Variants in SPEF2 observed in about 807,000 individuals in gnomAD.
SPEF2 encodes sperm flagella and cilia-associated protein 2.
SPEF2 carries 187 observed loss-of-function variants against 224.6 expected under a neutral mutation model. The ratio of observed to expected loss-of-function variants is 0.83; its 90% CI spans 0.74 to 0.94. The LOEUF is 0.94. Among genes scored for constraint, SPEF2 ranks in the 40% least tolerant of loss-of-function variants. SPEF2 has a pLI of 0.00. For missense variants in SPEF2, 2,170 were observed against 2,135.6 expected, an observed-to-expected ratio of 1.02 and a Z score of -0.32; for synonymous variants, 715 against 707.3, an observed-to-expected ratio of 1.01 and a Z score of -0.17.
intron 21 of SPEF2, among the ~76,000 whole-genome samples, chr5:35,738,249 T>G (rs1413947462): frequency 6.6e-6 from 1 of 152,148 alleles, no homozygotes; most frequent in Non-Finnish European, 1.5e-5. Context: ...TGGCTTTTGT[T>G]GCCATTGCTT....
chr5:35,674,337 CTT>C (rs35129181), intron 10 of SPEF2, among the ~76,000 whole-genome samples: 65 of 94,442 alleles, frequency 6.9e-4, no homozygotes, highest in South Asian at 1.6e-3. Flanking sequence ...TTTTCGTCTT[CTT>C]TTTTTTTTTT....
At chr5:35,706,638 C>G (rs1739829041) in intron 18 of SPEF2, among the ~76,000 whole-genome samples, 2 of 152,142 alleles carry the variant, frequency 1.3e-5, no homozygotes, top group South Asian at 4.2e-4. Flanking sequence ...TCTAAAGTTG[C>G]CTTGATAGCA....
At chr5:35,734,755 A>C (rs1746278299) in intron 21 of SPEF2, among the ~76,000 whole-genome samples, 1 of 126,860 alleles carries the variant, frequency 7.9e-6, no homozygotes, top group African/African-American at 3.0e-5. Context: ...CTCTGTCACC[A>C]GGCTGGAGTA....
chr5:35,807,671 G>T, intron 36 of SPEF2: 1 of 1,536,108 alleles, frequency 6.5e-7, no homozygotes, highest in Non-Finnish European at 8.7e-7. Context: ...AAATGATAGT[G>T]TGTGCAAAAG....
chr5:35,684,874 A>G (rs1469995542), intron 10 of SPEF2, among the ~76,000 whole-genome samples: 4 of 152,116 alleles, frequency 2.6e-5, no homozygotes, highest in African/African-American at 9.7e-5. Context: ...TGGAATTATC[A>G]CCTTTTTTAT....
At position 35,733,789 on chromosome 5, in the gene SPEF2, A is replaced by T. The variant is rs6895954; in HGVS notation, c.3063+5966A>T. Among the ~76,000 whole-genome samples the T allele has an allele frequency of 4.0e-3, 275 of 67,992 alleles. 1 individual carries two copies. Among genetic ancestry groups the T allele is most frequent in the African/African-American group, 0.02 (266 of 13,212 alleles). 44.6% of individuals were successfully genotyped at this position (67,992 alleles called of 152,430 possible). On this transcript the variant is annotated intron_variant, in intron 21 of 36. Transcript: ENST00000356031. Reference sequence around the variant, plus strand: ...AGAGAGACAGTACAGTGAATTGTTTAAAAAAAAAAAAAGTGGATTGTGACT... The same window carrying T: ...AGAGAGACAGTACAGTGAATTGTTTTAAAAAAAAAAAAGTGGATTGTGACT...
intron 20 of SPEF2, among the ~76,000 whole-genome samples, chr5:35,715,816 C>CTTTT (rs1554040257): frequency 1.7e-5 from 2 of 117,932 alleles, no homozygotes; most frequent in African/African-American, 6.4e-5. Flanking sequence ...GATATAATTT[C>CTTTT]TTTTTTTTTT....
At chr5:35,648,058 A>G (rs777354422) in intron 5 of SPEF2, among the ~76,000 whole-genome samples, 46 of 152,180 alleles carry the variant, frequency 3.0e-4, no homozygotes, top group African/African-American at 6.0e-4. Context: ...CAAGCTGTGG[A>G]TTGGGCACTT....
At chr5:35,633,657 A>C (rs543700062) in intron 2 of SPEF2, among the ~76,000 whole-genome samples, 1 of 152,030 alleles carries the variant, frequency 6.6e-6, no homozygotes, top group South Asian at 2.1e-4. Context: ...TGTGTGATTT[A>C]GGTATTTGTT....
chr5:35,646,731 T>C lies in SPEF2; in HGVS notation c.650T>C (p.Ile217Thr), dbSNP rs866696287. Residue 217 changes from isoleucine to threonine, a missense_variant, in exon 5 of 37, where the codon ATT becomes ACT. Physicochemically the swap from Ile to Thr is moderately conservative, Grantham distance 89. Coordinates refer to ENST00000356031, the MANE Select transcript of SPEF2 (RefSeq NM_024867.4). ...MAKIQAAIIQ[I>T]PKPASNRTLK... Reference sequence around the variant, plus strand: ...AAAATCCAAGCAGCTATTATACAGATTCCTAAACCTGCATCAAATCGTACT... The same window carrying C: ...AAAATCCAAGCAGCTATTATACAGACTCCTAAACCTGCATCAAATCGTACT... 1.8e-5 allele frequency: 29 copies of C among 1,613,936 alleles called. No individual in the cohort carries two copies. The African/African-American group carries it at 2.8e-4, about 16-fold the overall frequency.
At chr5:35,739,870 A>G (rs749165966) in intron 21 of SPEF2, 49 bp from the exon 22 acceptor site, 1 of 1,602,966 alleles carries the variant, frequency 6.2e-7, no homozygotes, top group African/African-American at 1.3e-5. Flanking sequence ...TATTATTCAG[A>G]AGAACTTTCA....
intron 20 of SPEF2, among the ~76,000 whole-genome samples, chr5:35,720,646 T>C (rs371706739): frequency 2.2e-4 from 33 of 152,336 alleles, no homozygotes; most frequent in African/African-American, 7.5e-4. Context: ...CATAACAACC[T>C]TAATTATGAT....
intron 20 of SPEF2, among the ~76,000 whole-genome samples, chr5:35,715,317 C>G (rs960678888): frequency 4.0e-5 from 6 of 151,898 alleles, no homozygotes; most frequent in Non-Finnish European, 8.8e-5. Flanking sequence ...AATGACTTTC[C>G]TTATTTTTCT....
chr5:35,676,448 G>T (rs1248311718), intron 10 of SPEF2, among the ~76,000 whole-genome samples: 1 of 152,168 alleles, frequency 6.6e-6, no homozygotes, highest in Non-Finnish European at 1.5e-5. Context: ...AAAACTATAG[G>T]CTGTTTGCGG....
intron 36 of SPEF2, among the ~76,000 whole-genome samples, chr5:35,808,564 A>G (rs138132714): frequency 2.6e-5 from 4 of 151,962 alleles, no homozygotes; most frequent in Non-Finnish European, 5.9e-5. Context: ...CCATGTCCCT[A>G]TGAAGGACAT....
intron 26 of SPEF2, among the ~76,000 whole-genome samples, chr5:35,767,350 C>A (rs1327528740): frequency 6.6e-6 from 1 of 151,744 alleles, no homozygotes; most frequent in Non-Finnish European, 1.5e-5. Flanking sequence ...CATATCTTTT[C>A]ATCCTTTCAT....
In SPEF2 at chr5:35,708,995, T is replaced by C. The variant is rs781719061; in HGVS notation, c.2713T>C (p.Ser905Pro). 1.2e-6 allele frequency: 2 copies of C among 1,613,408 alleles called. No homozygotes were observed. The highest frequency in any genetic ancestry group is 2.2e-5 in the South Asian group (2 of 90,820). Reference sequence around the variant, plus strand: ...GGAAGCTGAGAAAAAAGCAGCAGCTTCCCTGGCTGAGCTTCCACTTCCTAC... The same window carrying C: ...GGAAGCTGAGAAAAAAGCAGCAGCTCCCCTGGCTGAGCTTCCACTTCCTAC... Reference protein sequence around the residue: ...EKEAEKKAAASLAELPLPTPP... With the variant: ...EKEAEKKAAAPLAELPLPTPP... The change falls in exon 19 of 37, where the codon TCC becomes CCC. Residue 905 changes from serine to proline, a missense_variant. Ser to Pro is a moderately conservative substitution (Grantham distance 74, BLOSUM62 -1). Coordinates refer to ENST00000356031, the MANE Select transcript of SPEF2 (RefSeq NM_024867.4).
rs1213561935 is a variant in SPEF2 at position 35,748,180 on chromosome 5, C to T, written c.3331-5444C>T. On this transcript the variant is annotated intron_variant, in intron 23 of 36. Transcript: ENST00000356031. Reference sequence around the variant, plus strand: ...ACCAAAACCTCGGATACAGCAAAGGCAGTGCTAAGAGGAAAGTTCATAGCC... The same window carrying T: ...ACCAAAACCTCGGATACAGCAAAGGTAGTGCTAAGAGGAAAGTTCATAGCC... Among the ~76,000 whole-genome samples, 5 of 152,150 alleles carry T rather than the reference C, an allele frequency of 3.3e-5. No homozygotes were observed. In the East Asian group the frequency reaches 7.7e-4, roughly 24 times the overall value.
At chr5:35,811,106 A>G (rs1758506553) in intron 36 of SPEF2, among the ~76,000 whole-genome samples, 1 of 151,320 alleles carries the variant, frequency 6.6e-6, no homozygotes, top group Admixed American at 6.6e-5. Flanking sequence ...AAAAAATAAT[A>G]AATAATAAAA....
Sources: allele counts gnomAD v4.1 joint callset (sites outside exome capture counted in the v4.1 genomes callset), GRCh38; gene constraint gnomAD v4.1.1; transcripts MANE v1.5; gene names NCBI Gene and HGNC (gene_info 2026-07-23, HGNC 2026-07-21).